The following PRKDC variants were observed in gnomAD, a reference collection of about 807,000 sequenced individuals.
PRKDC encodes protein kinase, DNA-activated, catalytic subunit.
PRKDC carries 82 observed loss-of-function variants against 486.9 expected under a neutral mutation model. The ratio of observed to expected loss-of-function variants is 0.17; its 90% confidence interval spans 0.14 to 0.20. PRKDC has a LOEUF of 0.20. Ranked by LOEUF, PRKDC falls within the 10% of genes least tolerant of loss-of-function variation. The pLI is 1.00. For missense variants in PRKDC, 4,504 were observed against 5,038.2 expected, an observed-to-expected ratio of 0.89 and a Z score of 3.21; for synonymous variants, 1,895 against 1,837.0, an observed-to-expected ratio of 1.03 and a Z score of -0.81.
intron 21 of PRKDC, among the ~76,000 whole-genome samples, chr8:47,922,557 C>T (rs1035750645): frequency 2.6e-5 from 4 of 151,082 alleles, no homozygotes; most frequent in Non-Finnish European, 4.4e-5. Context: ...CCTCATCCCT[C>T]GGTCAATCAA....
In PRKDC at chr8:47,941,965, G is replaced by A. The variant is rs189336354; in HGVS notation, c.966+1244C>T. 3.5e-3 allele frequency among the ~76,000 whole-genome samples: 539 copies of A among 152,336 alleles called. 2 individuals carry two copies. Among genetic ancestry groups the A allele is most frequent in the African/African-American group, 0.012 (501 of 41,574 alleles). On this transcript the variant is annotated intron_variant, in intron 10 of 85. Transcript: ENST00000314191. ...GCGTGGCTCATTAAAGACAACCAGC[G>A]CAGTGGAGGGAGGGCTGGCCGGCTT...
Position 47,858,581 on chromosome 8 carries a change from C to T in PRKDC, c.6400G>A (p.Gly2134Arg), listed in dbSNP as rs1195009342. 2 of 1,560,740 alleles carry T rather than the reference C, an allele frequency of 1.3e-6. No homozygotes were observed. Among genetic ancestry groups the T allele is most frequent in the Non-Finnish European group, 1.7e-6 (2 of 1,152,684 alleles). Residue 2134 changes from glycine (G) to arginine (R), a missense_variant, in exon 48 of 86, where the codon GGA becomes AGA. By Grantham distance (125) the Gly-to-Arg change is moderately radical (BLOSUM62 -2). This residue lies in a region of PRKDC where 1,592 missense variants were observed against 1,724.6 expected (regional missense o/e 0.92). Transcript: ENST00000314191. ...SWMKFLHGKL[G>R]NPIVPLNIRL... ...ATATTTAATGGTACTATTGGATTTC[C>T]CAGTTTGCCATGGAGGAATTTCATC...
At chr8:47,889,329 G>T in intron 32 of PRKDC, 107 bp from the exon 33 acceptor site, 1 of 926,794 alleles carries the variant, frequency 1.1e-6, no homozygotes, top group Non-Finnish European at 1.6e-6. Context: ...AGGGAGAGGT[G>T]GGCAGAGTTT....
chr8:47,895,642 T>G (rs1458044078), intron 30 of PRKDC, among the ~76,000 whole-genome samples: 1 of 152,118 alleles, frequency 6.6e-6, no homozygotes, highest in African/African-American at 2.4e-5. Flanking sequence ...CCTCCAGCCC[T>G]TCCCCAGCCA....
chr8:47,881,157 A>T (rs1358243221), intron 38 of PRKDC, among the ~76,000 whole-genome samples: 2 of 152,110 alleles, frequency 1.3e-5, no homozygotes, highest in African/African-American at 4.8e-5. Context: ...ACTGAAGCAG[A>T]TACAGGTCAG....
At chr8:47,897,366 T>C in intron 29 of PRKDC, 72 bp from the exon 30 acceptor site, 3 of 1,375,866 alleles carry the variant, frequency 2.2e-6, no homozygotes, top group East Asian at 4.7e-5. Flanking sequence ...GCTCTAGAAA[T>C]CATAAACTCA....
At position 47,862,340 on chromosome 8, in the gene PRKDC, A is replaced by G. The variant is rs1348073761; in HGVS notation, c.5919+33T>C. 3 of 1,578,744 alleles carry G rather than the reference A, an allele frequency of 1.9e-6. No individual in the cohort carries two copies. In the African/African-American group the frequency reaches 4.1e-5, roughly 21 times the overall value. On this transcript the variant is annotated intron_variant, in intron 43 of 85. Coordinates refer to ENST00000314191, the MANE Select transcript of PRKDC (RefSeq NM_006904.7). The stretch of plus-strand genomic sequence containing the variant: ...ATAATCTAACTTTTGAACTCCTACA[A>G]TAACAATAGTGCACACCGTAGGAGT...
chr8:47,784,077 T>C (rs942531374), intron 77 of PRKDC: 1 of 364,628 alleles, frequency 2.7e-6, no homozygotes, highest in Non-Finnish European at 5.1e-6. Flanking sequence ...GCTTACATGG[T>C]GAAGCCCCGT....
intron 73 of PRKDC, among the ~76,000 whole-genome samples, chr8:47,795,397 G>A (rs1260718110): frequency 3.3e-5 from 5 of 150,922 alleles, no homozygotes; most frequent in African/African-American, 1.2e-4. Context: ...CACCATGTAA[G>A]CCAGGATGGT....
intron 68 of PRKDC, among the ~76,000 whole-genome samples, chr8:47,808,959 G>A (rs2087269964): frequency 6.6e-6 from 1 of 151,928 alleles, no homozygotes; most frequent in Non-Finnish European, 1.5e-5. Context: ...AGGAATTTGA[G>A]GCTGCAGTGA....
At chr8:47,774,855 C>T (rs1368970888) in intron 85 of PRKDC, among the ~76,000 whole-genome samples, 4 of 151,984 alleles carry the variant, frequency 2.6e-5, no homozygotes, top group South Asian at 2.1e-4. Flanking sequence ...CTTGAACTCC[C>T]GGGCTCTAGT....
At chr8:47,934,955 C>A in intron 14 of PRKDC, 54 bp downstream of exon 14, 1 of 1,357,778 alleles carries the variant, frequency 7.4e-7, no homozygotes, top group Non-Finnish European at 1.0e-6. Flanking sequence ...CAGCAACATT[C>A]CTAGCTTTCA....
chr8:47,907,680 G>A (rs1050446268), intron 25 of PRKDC, among the ~76,000 whole-genome samples: 6 of 150,916 alleles, frequency 4.0e-5, no homozygotes, highest in South Asian at 4.2e-4. Flanking sequence ...GATTACAGGC[G>A]TCCACCACCA....
rs1563770503 is a variant in PRKDC at position 47,858,400 on chromosome 8, CTT to C, written c.6465+114_6465+115del. On this transcript the variant is annotated intron_variant, in intron 48 of 85. Coordinates refer to ENST00000314191, the MANE Select transcript of PRKDC (RefSeq NM_006904.7). The stretch of plus-strand genomic sequence containing the variant: ...TCATGCTCTGCCCCTTTATATTTTC[CTT>C]TTTTGTGTGTGTTTTTAAGTATATT... 1.1e-5 allele frequency: 12 copies of C among 1,082,900 alleles called. No individual in the cohort carries two copies. In the South Asian group the frequency reaches 2.2e-4, roughly 19 times the overall value. The allele number at this position is 1,082,900 out of a possible 1,614,324, so 67.1% of individuals were successfully genotyped here.
chr8:47,944,626 T>A (rs968674704), intron 7 of PRKDC, among the ~76,000 whole-genome samples: 8 of 152,142 alleles, frequency 5.3e-5, no homozygotes, highest in African/African-American at 1.7e-4. Flanking sequence ...AACTATAACA[T>A]GAGGCTCTAA....
rs753495461 is a variant in PRKDC at position 47,893,228 on chromosome 8, G to A, written c.3758C>T (p.Thr1253Met). The change falls in exon 31 of 86, where the codon ACG becomes ATG. Residue 1253 changes from threonine (T) to methionine (M), a missense_variant. Thr to Met is a moderately conservative substitution (Grantham distance 81, BLOSUM62 -1). Transcript: ENST00000314191. ...CAGGAGCAGGTCCAGCCAGCATAGC[G>A]TGGCCTGCAGGCTGAATGGCCCCCG... Reference protein sequence around the residue: ...YLRGPFSLQATLCWLDLLLAA... With the variant: ...YLRGPFSLQAMLCWLDLLLAA... The A allele has an allele frequency of 1.2e-5, 20 of 1,612,686 alleles. No individual in the cohort carries two copies. Among genetic ancestry groups the A allele is most frequent in the South Asian group, 1.1e-4 (10 of 90,838 alleles).
At chr8:47,803,028 C>G (rs1446611688) in intron 70 of PRKDC, among the ~76,000 whole-genome samples, 3 of 152,180 alleles carry the variant, frequency 2.0e-5, no homozygotes, top group African/African-American at 7.2e-5. Context: ...ACCTCGTGAT[C>G]CACCCACCTC....
chr8:47,953,944 G>A (rs1440245330), intron 5 of PRKDC, 25 bp from the exon 6 acceptor site: 1 of 1,380,898 alleles, frequency 7.2e-7, no homozygotes, highest in Admixed American at 2.1e-5. Flanking sequence ...TTAGACAAGT[G>A]AAGGCCTCAA....
chr8:47,935,040 C>T lies in PRKDC; in HGVS notation c.1466G>A (p.Arg489Lys). Residue 489 changes from arginine (R) to lysine (K), a missense_variant, in exon 14 of 86, where the codon AGA (arginine) becomes AAA (lysine). By Grantham distance (26) the Arg-to-Lys change is conservative (BLOSUM62 2). Coordinates refer to ENST00000314191, the MANE Select transcript of PRKDC (RefSeq NM_006904.7). Reference protein sequence around the residue: ...ISTVVHQGLIRICSKPVVLPK... With the variant: ...ISTVVHQGLIKICSKPVVLPK... ...AAGGACCACTGGTTTAGAACATATT[C>T]TGATTAAACCCTGATGCACTGAAAA... 1 of 1,523,106 alleles carries T rather than the reference C, an allele frequency of 6.6e-7. No individual in the cohort carries two copies. Among genetic ancestry groups the T allele is most frequent in the South Asian group, 1.3e-5 (1 of 79,728 alleles). 94.3% of individuals were successfully genotyped at this position (1,523,106 alleles called of 1,614,324 possible).
Sources: gnomAD v4.1 joint callset for allele counts (sites outside exome capture counted in the v4.1 genomes callset) on GRCh38, gnomAD v4.1.1 for gene constraint, gnomAD v4.1.1 regional missense constraint, MANE v1.5 for transcripts, NCBI Gene and HGNC (gene_info 2026-07-23, HGNC 2026-07-21) for gene names.